The following CFAP77 variants were observed in gnomAD, a reference collection of about 807,000 sequenced individuals.
CFAP77 encodes the protein cilia and flagella associated protein 77, also known as cilia- and flagella-associated protein 77.
In CFAP77, 25 loss-of-function variants were observed where a neutral mutation model predicts 31.1. The ratio of observed to expected loss-of-function variants is 0.80; its 90% CI spans 0.59 to 1.12. CFAP77 has a LOEUF of 1.12. Ranked by LOEUF, CFAP77 falls within the 50% of genes most tolerant of loss-of-function variation. The pLI, the probability that CFAP77 is intolerant of heterozygous loss-of-function variation, is 0.00. For missense variants in CFAP77, 377 were observed against 397.3 expected (o/e 0.95, Z 0.44); for synonymous variants, 151 against 159.9 (o/e 0.94, Z 0.42).
intron 1 of CFAP77, among the ~76,000 whole-genome samples, chr9:132,421,365 C>T (rs1336787068): frequency 6.6e-6 from 1 of 152,088 alleles, no homozygotes; most frequent in Non-Finnish European, 1.5e-5. Flanking sequence ...GGGTGAGATC[C>T]AGGTTTTGCC....
intron 1 of CFAP77, among the ~76,000 whole-genome samples, chr9:132,473,121 TC>T (rs1460911019): frequency 1.3e-5 from 2 of 151,800 alleles, no homozygotes; most frequent in Non-Finnish European, 2.9e-5. Flanking sequence ...GGAGGGAGGT[TC>T]CAGGCTCTTT....
rs73659092 is a variant in CFAP77, at chr9:132,545,235, C to A, written c.732+2188C>A. Among the ~76,000 whole-genome samples, 4,885 of 152,332 alleles carry A rather than the reference C, an allele frequency of 0.032. 250 individuals carry two copies. The highest frequency in any genetic ancestry group is 0.11 in the African/African-American group (4,672 of 41,570). ...AATAGCAAACCAGGAATGATGGCCTCCTGTGCCATGCCAGGCACTGTGTGA... is the reference window on the plus strand; with the variant it reads ...AATAGCAAACCAGGAATGATGGCCTACTGTGCCATGCCAGGCACTGTGTGA... On this transcript the variant is annotated intron_variant, in intron 5 of 5. Coordinates refer to ENST00000393216, the MANE Select transcript of CFAP77 (RefSeq NM_001282957.2). This position sits in a 1 kb window ranked among gnomAD's most constrained non-coding sequence, Gnocchi z 4.6.
chr9:132,561,524 G>C (rs1829805427), intron 5 of CFAP77, among the ~76,000 whole-genome samples: 2 of 151,434 alleles, frequency 1.3e-5, no homozygotes, highest in Non-Finnish European at 2.9e-5. Context: ...CCTGGACTCA[G>C]AAAGTGCTGT....
intron 1 of CFAP77, among the ~76,000 whole-genome samples, chr9:132,416,329 ATTTTTTTT>A (rs71503303): frequency 2.5e-4 from 15 of 60,274 alleles, no homozygotes; most frequent in African/African-American, 5.8e-4. Context: ...TTCTTATCTG[ATTTTTTTT>A]TTTTTTTTTT....
intron 4 of CFAP77, among the ~76,000 whole-genome samples, chr9:132,542,528 C>A (rs1018913817): frequency 6.6e-6 from 1 of 152,210 alleles, no homozygotes; most frequent in Non-Finnish European, 1.5e-5. Flanking sequence ...CCATGGAGGA[C>A]CTGCTCTAAA....
At chr9:132,486,022 A>ATG (rs1554742555) in intron 1 of CFAP77, among the ~76,000 whole-genome samples, 3 of 25,850 alleles carry the variant, frequency 1.2e-4, no homozygotes, top group African/African-American at 9.6e-4. Flanking sequence ...ATATATATAT[A>ATG]TATATATATA....
intron 4 of CFAP77, among the ~76,000 whole-genome samples, chr9:132,538,746 C>T (rs1280684227): frequency 6.6e-6 from 1 of 152,016 alleles, no homozygotes; most frequent in East Asian, 1.9e-4. Context: ...CCACTTCACT[C>T]CAGCCTGGGC....
chr9:132,485,811 G>A (rs1851530455), intron 1 of CFAP77, among the ~76,000 whole-genome samples: 1 of 151,204 alleles, frequency 6.6e-6, no homozygotes, highest in African/African-American at 2.4e-5. Flanking sequence ...CTTACTCCAT[G>A]TCCACCAAAG....
chr9:132,462,442 C>T (rs78833332), intron 1 of CFAP77, among the ~76,000 whole-genome samples: 4,337 of 152,204 alleles, frequency 0.028, 206 homozygotes, highest in African/African-American at 0.098. Flanking sequence ...TGACTCGTTC[C>T]ATTACATAGA....
chr9:132,526,554 A>G (rs1852368130), intron 3 of CFAP77, among the ~76,000 whole-genome samples: 1 of 150,488 alleles, frequency 6.6e-6, no homozygotes, highest in Non-Finnish European at 1.5e-5. Context: ...AAAAAAAACT[A>G]AACACCAGGA....
At chr9:132,549,145 ACT>A (rs1321440067) in intron 5 of CFAP77, among the ~76,000 whole-genome samples, 6 of 151,758 alleles carry the variant, frequency 4.0e-5, no homozygotes, top group Non-Finnish European at 2.9e-5. Flanking sequence ...TGGAAAGTTA[ACT>A]CTCTGCTACA....
At chr9:132,436,441 C>A (rs1302442855) in intron 1 of CFAP77, among the ~76,000 whole-genome samples, 2 of 152,204 alleles carry the variant, frequency 1.3e-5, no homozygotes, top group African/African-American at 4.8e-5. Context: ...AATGAGGTCA[C>A]ATTCACAGGT....
intron 1 of CFAP77, among the ~76,000 whole-genome samples, chr9:132,430,253 G>T (rs1005866753): frequency 6.6e-6 from 1 of 151,788 alleles, no homozygotes; most frequent in Non-Finnish European, 1.5e-5. Context: ...TTGCCTTTTG[G>T]AAAATACTTT....
At chr9:132,508,159 G>T (rs1285601007) in intron 3 of CFAP77, among the ~76,000 whole-genome samples, 1 of 152,196 alleles carries the variant, frequency 6.6e-6, no homozygotes, top group African/African-American at 2.4e-5. Context: ...CCAGAGAGGG[G>T]ACGTTAAAGC....
chr9:132,489,344 G>A (rs914691377), intron 1 of CFAP77, among the ~76,000 whole-genome samples: 1 of 152,194 alleles, frequency 6.6e-6, no homozygotes, highest in African/African-American at 2.4e-5. Context: ...CCCTTGCAGA[G>A]TTGTTGTGAG....
In CFAP77 at chr9:132,452,702, A is replaced by G. The variant is rs189632847; in HGVS notation, c.195+42236A>G. Among the ~76,000 whole-genome samples, 80 of 152,312 alleles carry G rather than the reference A, an allele frequency of 5.3e-4. 1 individual carries two copies. Among genetic ancestry groups the G allele is most frequent in the Non-Finnish European group, 1.6e-4 (11 of 68,028 alleles). On this transcript the variant is annotated intron_variant, in intron 1 of 5. Coordinates refer to ENST00000393216, the MANE Select transcript of CFAP77 (RefSeq NM_001282957.2). ...GGAAGCTCCAGGGAGGCAGACTCCA[A>G]TTGGATATAAAGAAGAGGTGCCCGA...
chr9:132,438,541 ATTT>A lies in CFAP77; in HGVS notation c.195+28090_195+28092del, dbSNP rs10641294. ...ATGGTATATATATATATATATATAT[ATTT>A]TTTTTTTTTTTTTTAGACAGGGTCT... On this transcript the variant is annotated intron_variant, in intron 1 of 5. Coordinates refer to ENST00000393216, the MANE Select transcript of CFAP77 (RefSeq NM_001282957.2). Among the ~76,000 whole-genome samples the A allele has an allele frequency of 2.6e-3, 286 of 108,116 alleles. 2 individuals are homozygous for A. Among genetic ancestry groups the A allele is most frequent in the African/African-American group, 0.011 (273 of 24,564 alleles). The allele number at this position is 108,116 out of a possible 152,430, so 70.9% of individuals were successfully genotyped here.
At chr9:132,444,433 G>A (rs917712116) in intron 1 of CFAP77, among the ~76,000 whole-genome samples, 3 of 152,208 alleles carry the variant, frequency 2.0e-5, no homozygotes, top group Non-Finnish European at 4.4e-5. Context: ...GGAACGAGAG[G>A]GGAATGAAGC....
rs756482661 is a variant in CFAP77, at chr9:132,410,302, C to A, written c.31C>A (p.Leu11Ile). ...AGAGGCCAGGAGCTCCGGCCCGGAC[C>A]TCACGCGATGGAGGAAGCAGCAGCA... is the stretch of plus-strand genomic sequence containing the variant. MPEARSSGPD[L>I]TRWRKQQQPV... is the part of the protein sequence containing the mutation. Residue 11 changes from leucine to isoleucine, a missense_variant, in exon 1 of 6, where the codon CTC becomes ATC. By Grantham distance (5) the Leu-to-Ile change is conservative. Coordinates refer to ENST00000393216, the MANE Select transcript of CFAP77 (RefSeq NM_001282957.2). The A allele has an allele frequency of 3.1e-6, 5 of 1,592,452 alleles. No individual in the cohort carries two copies. The highest frequency in any genetic ancestry group is 1.4e-5 in the African/African-American group (1 of 72,664).
Sources: allele counts gnomAD v4.1 joint callset (sites outside exome capture counted in the v4.1 genomes callset), GRCh38; gene constraint gnomAD v4.1.1; non-coding constraint Gnocchi (gnomAD v3.1); transcripts MANE v1.5; gene names NCBI Gene and HGNC (gene_info 2026-07-23, HGNC 2026-07-21).